ZNF442: variants seen among roughly 807,000 people sequenced by gnomAD.
ZNF442 encodes zinc finger protein 442.
ZNF442 carries 45 observed loss-of-function variants against 57.0 expected under a neutral mutation model. That is an observed-to-expected ratio of 0.79 (90% confidence interval 0.62 to 1.01). The LOEUF (loss-of-function observed/expected upper bound fraction) is 1.01, where lower values mean the gene tolerates loss of function less well. ZNF442 is among the 50% of genes least tolerant of loss of function. ZNF442 has a pLI of 0.00. For synonymous variants in ZNF442, 213 were observed against 241.8 expected (o/e 0.88, Z 1.10); for missense variants, 690 against 756.5 (o/e 0.91, Z 1.03).
intron 3 of ZNF442, among the ~76,000 whole-genome samples, chr19:12,362,253 G>C (rs185002570): frequency 0.044 from 6,649 of 151,136 alleles, 505 homozygotes; most frequent in African/African-American, 0.16. Context: ...CTTCCTGGCC[G>C]TCATCCCGTC....
rs1315728891 is a variant in ZNF442 at position 12,347,359 on chromosome 19, A to C, written c.*2342T>G. The C allele has an allele frequency of 2.0e-5, 3 of 152,164 alleles. No individual in the cohort carries two copies. The highest frequency in any genetic ancestry group is 4.1e-4 in the South Asian group (2 of 4,832). The allele number at this position is 152,164 out of a possible 1,614,324, so 9.4% of individuals were successfully genotyped here. ...GAGAAGAAACCCATGTTTTCCTCCTACTACTTCATTGGGTGTTGGAAACCA... is the reference window on the plus strand; with the variant it reads ...GAGAAGAAACCCATGTTTTCCTCCTCCTACTTCATTGGGTGTTGGAAACCA... On this transcript the variant is annotated 3_prime_UTR_variant, in exon 6 of 6. Coordinates refer to ENST00000242804, the MANE Select transcript of ZNF442 (RefSeq NM_030824.3).
rs199741269 is a variant in ZNF442, at chr19:12,350,772, G to A, written c.813C>T (p.Ser271=). The A allele has an allele frequency of 5.6e-6, 9 of 1,613,464 alleles. No individual in the cohort carries two copies. Among genetic ancestry groups the A allele is most frequent in the East Asian group, 2.2e-5 (1 of 44,834 alleles). ...GEKPYECKHC[S]KAFPDYSSYV... ...AGGAACTGTAATCAGGGAAGGCTTT[G>A]GAACAGTGCTTGCATTCATATGGTT... The change falls in exon 6 of 6, where the codon TCC becomes TCT. Residue 271 remains serine (S), a synonymous_variant. Coordinates refer to ENST00000242804, the MANE Select transcript of ZNF442 (RefSeq NM_030824.3).
At chr19:12,357,962 C>T in intron 3 of ZNF442, among the ~76,000 whole-genome samples, 1 of 149,306 alleles carries the variant, frequency 6.7e-6, no homozygotes, top group East Asian at 2.0e-4. Context: ...TATTTGCCCA[C>T]CTTTTTTTTT....
intron 5 of ZNF442, 21 bp from the exon 6 acceptor site, chr19:12,351,339 A>C: frequency 1.9e-6 from 3 of 1,583,148 alleles, no homozygotes; most frequent in Non-Finnish European, 2.6e-6. Context: ...TGAGAAGTAT[A>C]TTAATAAAGG....
chr19:12,367,099 G>A (rs1213012190), upstream of ZNF442, among the ~76,000 whole-genome samples: 1 of 152,208 alleles, frequency 6.6e-6, no homozygotes, highest in Admixed American at 6.5e-5. Context: ...CCCACACCCA[G>A]CTGAAGAGTG....
At position 12,346,640 on chromosome 19, in the gene ZNF442, A is replaced by G. The variant is rs535122349; in HGVS notation, c.*3061T>C. On this transcript the variant is annotated 3_prime_UTR_variant, in exon 6 of 6. Transcript: ENST00000242804. ...CAGGGACTCACACAGACATAGACAT[A>G]CCACATCCACAGCAGCCTTATTGAT... 1 of 152,356 alleles carries G rather than the reference A, an allele frequency of 6.6e-6. No individual in the cohort carries two copies. The highest frequency in any genetic ancestry group is 1.9e-4 in the East Asian group (1 of 5,192). 9.4% of individuals were successfully genotyped at this position (152,356 alleles called of 1,614,324 possible). A position where few individuals can be genotyped will look rare whatever the true frequency, so the allele number is the denominator to read the frequency against.
Position 12,349,899 on chromosome 19 carries a change from A to T in ZNF442, c.1686T>A (p.His562Gln). 2 of 1,614,056 alleles carry T rather than the reference A, an allele frequency of 1.2e-6. No homozygotes were observed. The highest frequency in any genetic ancestry group is 1.7e-6 in the Non-Finnish European group (2 of 1,179,984). Reference protein sequence around the residue: ...AFSWLTCLLRHERIHTGKKSY... With the variant: ...AFSWLTCLLRQERIHTGKKSY... ...ATTTCTTTCCAGTGTGAATTCTTTC[A>T]TGTCGCAGAAGGCAAGTGAGCCAAG... The change falls in exon 6 of 6, where the codon CAT (histidine) becomes CAA (glutamine). Residue 562 changes from histidine to glutamine, a missense_variant. By Grantham distance (24) the His-to-Gln change is conservative. Coordinates refer to ENST00000242804, the MANE Select transcript of ZNF442 (RefSeq NM_030824.3).
chr19:12,369,374 T>G (rs1027602436), upstream of ZNF442, among the ~76,000 whole-genome samples: 1 of 152,060 alleles, frequency 6.6e-6, no homozygotes, highest in Non-Finnish European at 1.5e-5. Context: ...ATCCCAGCAC[T>G]TTGGGAGGCC....
rs368874416 is a variant in ZNF442, at chr19:12,349,842, G to T, written c.1743C>A (p.Phe581Leu). 2.4e-5 allele frequency: 38 copies of T among 1,612,556 alleles called. No homozygotes were observed. The highest frequency in any genetic ancestry group is 2.2e-4 in the East Asian group (10 of 44,744). ...GTCCTCGAAGGAAACGAGAACGAGTGAAGGCTTTACCACATTGTTGACATT... is the reference window on the plus strand; with the variant it reads ...GTCCTCGAAGGAAACGAGAACGAGTTAAGGCTTTACCACATTGTTGACATT... ...SYECQQCGKA[F>L]TRSRFLRGHE... Residue 581 changes from phenylalanine to leucine, a missense_variant, in exon 6 of 6, where the codon TTC becomes TTA. Coordinates refer to ENST00000242804, the MANE Select transcript of ZNF442 (RefSeq NM_030824.3).
In ZNF442 at chr19:12,349,926, G is replaced by A. The variant is rs376754772; in HGVS notation, c.1659C>T (p.Phe553=). ...GTCGCAGAAGGCAAGTGAGCCAAGA[G>A]AATGCTTTCCTGCATTCCTTACATT... ...PYECKECRKA[F]SWLTCLLRHE... is the part of the protein sequence containing the mutation. Residue 553 remains phenylalanine, a synonymous_variant, in exon 6 of 6, where the codon TTC becomes TTT. Transcript: ENST00000242804. The A allele has an allele frequency of 1.2e-6, 2 of 1,613,992 alleles. No homozygotes were observed. Among genetic ancestry groups the A allele is most frequent in the Non-Finnish European group, 1.7e-6 (2 of 1,180,026 alleles).
At chr19:12,369,883 C>A (rs553061094), upstream of ZNF442, among the ~76,000 whole-genome samples, 1 of 150,890 alleles carries the variant, frequency 6.6e-6, no homozygotes, top group African/African-American at 2.4e-5. Context: ...TCCAGCCTGG[C>A]GACAAAGCTA....
intron 3 of ZNF442, 66 bp downstream of exon 3, chr19:12,363,488 C>T: frequency 6.7e-7 from 1 of 1,495,868 alleles, no homozygotes; most frequent in Non-Finnish European, 9.3e-7. Flanking sequence ...TTTTCAGGCT[C>T]ATGCACACCT....
intron 3 of ZNF442, among the ~76,000 whole-genome samples, chr19:12,360,371 G>C (rs1030633442): frequency 1.3e-5 from 2 of 152,090 alleles, no homozygotes; most frequent in Non-Finnish European, 2.9e-5. Flanking sequence ...AGTATAAAAG[G>C]CTTCTCCCAT....
In ZNF442 at chr19:12,347,584, T is replaced by C. The variant is rs1441726322; in HGVS notation, c.*2117A>G. On this transcript the variant is annotated 3_prime_UTR_variant, in exon 6 of 6. Coordinates refer to ENST00000242804, the MANE Select transcript of ZNF442 (RefSeq NM_030824.3). Reference sequence around the variant, plus strand: ...ACCATCCTAAGCTTTAAGTTTCTATTTGGCCACCTGGCCAAAACTGAAAAT... The same window carrying C: ...ACCATCCTAAGCTTTAAGTTTCTATCTGGCCACCTGGCCAAAACTGAAAAT... 2 of 152,276 alleles carry C rather than the reference T, an allele frequency of 1.3e-5. No individual in the cohort carries two copies. Among genetic ancestry groups the C allele is most frequent in the African/African-American group, 4.8e-5 (2 of 41,468 alleles). 9.4% of individuals were successfully genotyped at this position (152,276 alleles called of 1,614,324 possible).
chr19:12,359,250 A>G (rs1180326077), intron 3 of ZNF442, among the ~76,000 whole-genome samples: 1 of 152,224 alleles, frequency 6.6e-6, no homozygotes, highest in Non-Finnish European at 1.5e-5. Context: ...AACTGAGTGA[A>G]TGCAAAACCA....
In ZNF442 at chr19:12,350,918, A is replaced by G; in HGVS notation, c.667T>C (p.Leu223=). The change falls in exon 6 of 6, where the codon TTA becomes CTA. Residue 223 remains leucine, a synonymous_variant. Transcript: ENST00000242804. ...TGAGTTCTTTCATGCATACGAAATA[A>G]ACTAGGCCAAAAAAAGGCTTTCCCA... ...LCGKAFFWPS[L]FRMHERTHTG... The G allele has an allele frequency of 6.2e-7, 1 of 1,614,162 alleles. No individual in the cohort carries two copies. Among genetic ancestry groups the G allele is most frequent in the South Asian group, 1.1e-5 (1 of 91,084 alleles).
intron 3 of ZNF442, among the ~76,000 whole-genome samples, chr19:12,360,752 C>T (rs959958116): frequency 6.6e-6 from 1 of 151,878 alleles, no homozygotes. Flanking sequence ...TGGTGGTGGG[C>T]GCCTGTAATC....
chr19:12,349,910 G>T lies in ZNF442; in HGVS notation c.1675C>A (p.Leu559Ile). 1 of 1,613,914 alleles carries T rather than the reference G, an allele frequency of 6.2e-7. No homozygotes were observed. Among genetic ancestry groups the T allele is most frequent in the Non-Finnish European group, 8.5e-7 (1 of 1,179,992 alleles). ...GTGTGAATTCTTTCATGTCGCAGAA[G>T]GCAAGTGAGCCAAGAGAATGCTTTC... The part of the protein sequence containing the change: ...CRKAFSWLTC[L>I]LRHERIHTGK... The change falls in exon 6 of 6, where the codon CTT becomes ATT. Residue 559 changes from leucine to isoleucine, a missense_variant. Physicochemically the swap from Leu to Ile is conservative, Grantham distance 5 (BLOSUM62 2). Transcript: ENST00000242804.
chr19:12,353,090 C>G lies in ZNF442; in HGVS notation c.103G>C (p.Ala35Pro), dbSNP rs1436216984. The change falls in exon 4 of 6, where the codon GCG becomes CCG. Residue 35 changes from alanine to proline, a missense_variant. Transcript: ENST00000242804. ...CACTCTTCCTGGGTGAAGTTCACCG[C>G]CACATCCTCAAAGGCTACTGAATCC... ...QYDSVAFEDVAVNFTQEEWAL... is the reference protein window; with the variant it reads ...QYDSVAFEDVPVNFTQEEWAL... 1.2e-6 allele frequency: 2 copies of G among 1,613,328 alleles called. No homozygotes were observed. Among genetic ancestry groups the G allele is most frequent in the Admixed American group, 3.3e-5 (2 of 59,844 alleles).
Sources: gnomAD v4.1 joint callset for allele counts (sites outside exome capture counted in the v4.1 genomes callset) on GRCh38, gnomAD v4.1.1 for gene constraint, MANE v1.5 for transcripts, NCBI Gene and HGNC (gene_info 2026-07-23, HGNC 2026-07-21) for gene names.